SASS6: variants seen among roughly 807,000 people sequenced by gnomAD.
SASS6 encodes spindle assembly abnormal protein 6 homolog.
A neutral mutation model predicts 94.9 loss-of-function variants in SASS6; 59 were observed. That is an observed-to-expected ratio of 0.62 (90% CI 0.50 to 0.77). The LOEUF is 0.77. Among genes scored for constraint, SASS6 ranks in the 30% least tolerant of loss-of-function variants. The pLI is 0.00. For synonymous variants in SASS6, 264 were observed against 270.0 expected (o/e 0.98, Z 0.22); for missense variants, 698 against 734.1 (o/e 0.95, Z 0.57).
intron 14 of SASS6, among the ~76,000 whole-genome samples, chr1:100,096,722 A>G (rs1652133524): frequency 6.6e-6 from 1 of 152,244 alleles, no homozygotes; most frequent in South Asian, 2.1e-4. Flanking sequence ...AAAAGATTCA[A>G]ATAGAAATAT....
chr1:100,101,323 C>A (rs1652482586), intron 14 of SASS6, among the ~76,000 whole-genome samples: 1 of 148,982 alleles, frequency 6.7e-6, no homozygotes. Context: ...GCAAATTGTT[C>A]TGTTTTAGGG....
At chr1:100,128,068 GCT>G (rs1295316757) in intron 1 of SASS6, among the ~76,000 whole-genome samples, 1 of 151,120 alleles carries the variant, frequency 6.6e-6, no homozygotes, top group Non-Finnish European at 1.5e-5. Context: ...ACAGAGTTTC[GCT>G]CTGTCACCCA....
chr1:100,119,590 C>T (rs1654021616), intron 6 of SASS6, among the ~76,000 whole-genome samples: 1 of 152,112 alleles, frequency 6.6e-6, no homozygotes, highest in Admixed American at 6.5e-5. Context: ...AAATGTAATC[C>T]CCAACAGAGG....
chr1:100,127,539 A>C (rs1654708816), intron 1 of SASS6, among the ~76,000 whole-genome samples: 1 of 152,240 alleles, frequency 6.6e-6, no homozygotes, highest in African/African-American at 2.4e-5. Context: ...TTACCTCATA[A>C]CTTGTATCTG....
At chr1:100,111,598 A>G (rs552663025) in intron 7 of SASS6, among the ~76,000 whole-genome samples, 1 of 152,200 alleles carries the variant, frequency 6.6e-6, no homozygotes, top group African/African-American at 2.4e-5. Context: ...AGCTTGATGC[A>G]AGTTCCAAAA....
rs375751944 is a variant in SASS6, at chr1:100,121,050, A to AAAAG, written c.483+327_483+328insCTTT. Among the ~76,000 whole-genome samples the AAAAG allele has an allele frequency of 2.6e-4, 34 of 130,278 alleles. No individual in the cohort carries two copies. In the East Asian group the frequency reaches 4.8e-3, roughly 18 times the overall value. The allele number at this position is 130,278 out of a possible 152,430, so 85.5% of individuals were successfully genotyped here. On this transcript the variant is annotated intron_variant, in intron 5 of 16. Coordinates refer to ENST00000287482, the MANE Select transcript of SASS6 (RefSeq NM_194292.3). ...GGGCGACAGAGCGAGACTCCGTCTC[A>AAAAG]AAAAAAAAAAAAAAAAAAAAGATGG...
At chr1:100,123,011 A>G (rs1654315797) in intron 3 of SASS6, among the ~76,000 whole-genome samples, 199 bp downstream of exon 3, 1 of 152,224 alleles carries the variant, frequency 6.6e-6, no homozygotes, top group Admixed American at 6.5e-5. Flanking sequence ...CAAACTTCAC[A>G]GGTGTTTTAA....
chr1:100,125,964 A>G lies in SASS6; in HGVS notation c.66-22T>C, dbSNP rs765757746. On this transcript the variant is annotated intron_variant, in intron 1 of 16. Transcript: ENST00000287482. ...TCTCCTGTAGGAAAAGACATACCCA[A>G]CCATCAGAAACATTCACACGAAATG... 7.1e-6 allele frequency: 9 copies of G among 1,273,976 alleles called. No individual in the cohort carries two copies. The South Asian group carries it at 1.2e-4, about 17-fold the overall frequency. The allele number at this position is 1,273,976 out of a possible 1,614,324, so 78.9% of individuals were successfully genotyped here.
chr1:100,109,250 C>G (rs1653130939), intron 8 of SASS6, among the ~76,000 whole-genome samples: 1 of 152,046 alleles, frequency 6.6e-6, no homozygotes, highest in Non-Finnish European at 1.5e-5. Flanking sequence ...ATATGAGGAT[C>G]TGAACACAAA....
chr1:100,118,290 G>C (rs144642377), intron 7 of SASS6, among the ~76,000 whole-genome samples: 6,720 of 148,156 alleles, frequency 0.045, 173 homozygotes, highest in African/African-American at 0.062. Context: ...ACTCCAGCCT[G>C]GGCAACAAAA....
chr1:100,114,856 T>C (rs1215522770), intron 7 of SASS6, among the ~76,000 whole-genome samples: 2 of 152,240 alleles, frequency 1.3e-5, no homozygotes, highest in African/African-American at 4.8e-5. Flanking sequence ...AAATCTATTG[T>C]TATAATTTAC....
chr1:100,085,174 T>A lies in SASS6; in HGVS notation c.*154A>T, dbSNP rs1570677573. 1.7e-6 allele frequency: 1 copy of A among 597,748 alleles called. No homozygotes were observed. The allele number at this position is 597,748 out of a possible 1,614,324, so 37.0% of individuals were successfully genotyped here. A position where few individuals can be genotyped will look rare whatever the true frequency, so the allele number is the denominator to read the frequency against. The stretch of plus-strand genomic sequence containing the variant: ...CAAGTACAAATTTGTTCCTATATTA[T>A]AAACTGCCATAAAAGCAGTACTTAA... On this transcript the variant is annotated 3_prime_UTR_variant, in exon 17 of 17. Transcript: ENST00000287482.
chr1:100,089,235 A>G (rs1482908088), intron 14 of SASS6, among the ~76,000 whole-genome samples: 1 of 152,162 alleles, frequency 6.6e-6, no homozygotes, highest in East Asian at 1.9e-4. Context: ...AATAAATAAT[A>G]ATGAAATAAA....
In SASS6 at chr1:100,122,403, T is replaced by G. The variant is rs1654255327; in HGVS notation, c.288A>C (p.Gln96His). The G allele has an allele frequency of 6.5e-7, 1 of 1,533,856 alleles. No individual in the cohort carries two copies. Among genetic ancestry groups the G allele is most frequent in the Non-Finnish European group, 9.0e-7 (1 of 1,111,174 alleles). The change falls in exon 4 of 17, where the codon CAA becomes CAC. Residue 96 changes from glutamine to histidine, a missense_variant. Transcript: ENST00000287482. ...KFIDLLQQCTQEHAKEIPRFL... is the reference protein window; with the variant it reads ...KFIDLLQQCTHEHAKEIPRFL... ...ACCTTGGAATTTCTTTGGCATGTTC[T>G]TGAGTACATTGCTGAAGGAGATCTA...
chr1:100,095,346 A>G (rs974351949), intron 14 of SASS6, among the ~76,000 whole-genome samples: 1 of 152,154 alleles, frequency 6.6e-6, no homozygotes, highest in Non-Finnish European at 1.5e-5. Flanking sequence ...CCTGGGCAAC[A>G]TGGCAAAACC....
chr1:100,108,380 A>G (rs1268014437), intron 8 of SASS6, among the ~76,000 whole-genome samples: 1 of 152,098 alleles, frequency 6.6e-6, no homozygotes. Context: ...TTACATGTAC[A>G]GATTGTTTTT....
At chr1:100,108,617 T>C (rs549586831) in intron 8 of SASS6, among the ~76,000 whole-genome samples, 1 of 152,120 alleles carries the variant, frequency 6.6e-6, no homozygotes, top group Non-Finnish European at 1.5e-5. Context: ...CAGGATACAA[T>C]ATTCCTAGAT....
At chr1:100,101,428 A>G (rs945198030) in intron 14 of SASS6, among the ~76,000 whole-genome samples, 1 of 152,040 alleles carries the variant, frequency 6.6e-6, no homozygotes, top group African/African-American at 2.4e-5. Context: ...ATTTAAGAAC[A>G]TAATTATTAT....
intron 7 of SASS6, among the ~76,000 whole-genome samples, chr1:100,114,631 T>A (rs1653655975): frequency 6.6e-6 from 1 of 151,748 alleles, no homozygotes; most frequent in South Asian, 2.1e-4. Context: ...GGTGGGAGGG[T>A]CACTTGAGCC....
Sources: allele counts gnomAD v4.1 joint callset (sites outside exome capture counted in the v4.1 genomes callset), GRCh38; gene constraint gnomAD v4.1.1; transcripts MANE v1.5; gene names NCBI Gene and HGNC (gene_info 2026-07-23, HGNC 2026-07-21).